Variants in NTN4 observed in about 807,000 individuals in gnomAD.
NTN4 encodes netrin 4.
A neutral mutation model predicts 73.6 loss-of-function variants in NTN4; 32 were observed. That is an observed-to-expected ratio of 0.44 (90% confidence interval 0.33 to 0.58). NTN4 has a LOEUF of 0.58. Among genes scored for constraint, NTN4 ranks in the 20% least tolerant of loss-of-function variants. The pLI, the probability that NTN4 is intolerant of heterozygous loss-of-function variation, is 0.04. For synonymous variants in NTN4, 258 were observed against 287.5 expected, an observed-to-expected ratio of 0.90 and a Z score of 1.04; for missense variants, 654 against 798.3, an observed-to-expected ratio of 0.82 and a Z score of 2.18.
intron 5 of NTN4, among the ~76,000 whole-genome samples, chr12:95,705,988 AT>A (rs1565890736): frequency 1.3e-5 from 2 of 152,358 alleles, no homozygotes; most frequent in South Asian, 4.1e-4. Flanking sequence ...GATTGAAAAA[AT>A]AATAAAAAGT....
At chr12:95,697,743 C>T (rs183105436) in intron 5 of NTN4, among the ~76,000 whole-genome samples, 10 of 151,238 alleles carry the variant, frequency 6.6e-5, no homozygotes, top group South Asian at 2.1e-4. Context: ...AACTGGGTCA[C>T]GGTGTGTAAT....
intron 7 of NTN4, among the ~76,000 whole-genome samples, chr12:95,678,348 G>GT (rs2078289907): frequency 1.8e-5 from 1 of 56,104 alleles, no homozygotes; most frequent in Non-Finnish European, 3.5e-5. Flanking sequence ...AGAACTTAAA[G>GT]TAAAAAAAAA....
At chr12:95,776,216 C>T (rs1218124535) in intron 2 of NTN4, among the ~76,000 whole-genome samples, 1 of 152,180 alleles carries the variant, frequency 6.6e-6, no homozygotes, top group African/African-American at 2.4e-5. Context: ...GGGGAAAAAA[C>T]AGAGGAGAAA....
At chr12:95,754,514 C>G (rs907874804) in intron 2 of NTN4, among the ~76,000 whole-genome samples, 1 of 152,148 alleles carries the variant, frequency 6.6e-6, no homozygotes, top group African/African-American at 2.4e-5. Context: ...TGCACGTATA[C>G]GCCCAGATGG....
intron 2 of NTN4, among the ~76,000 whole-genome samples, chr12:95,767,307 A>T (rs1277966584): frequency 6.6e-6 from 1 of 152,138 alleles, no homozygotes; most frequent in Non-Finnish European, 1.5e-5. Context: ...AATCAGACTA[A>T]CTCCTTAAAG....
chr12:95,726,013 T>A (rs926457454), intron 3 of NTN4, among the ~76,000 whole-genome samples: 4 of 152,264 alleles, frequency 2.6e-5, no homozygotes, highest in Non-Finnish European at 5.9e-5. Context: ...TGAAAAGAAA[T>A]ATATTTATTC....
chr12:95,764,810 A>G (rs1184178041), intron 2 of NTN4, among the ~76,000 whole-genome samples: 1 of 152,212 alleles, frequency 6.6e-6, no homozygotes, highest in Non-Finnish European at 1.5e-5. Flanking sequence ...AGTTTTGATT[A>G]CAGTACTTCA....
Position 95,738,076 on chromosome 12 carries a change from C to T in NTN4, c.654G>A (p.Gln218=). The T allele has an allele frequency of 6.2e-7, 1 of 1,614,128 alleles. No individual in the cohort carries two copies. The highest frequency in any genetic ancestry group is 8.5e-7 in the Non-Finnish European group (1 of 1,179,980). ...ENPYSAKVQE[Q]LKITNLRVQL... is the part of the protein sequence containing the mutation. ...GCACGCGAAGGTTGGTGATCTTCAG[C>T]TGCTCCTGAACTTTGGCACTGTAAG... Residue 218 remains glutamine, a synonymous_variant, in exon 3 of 10, where the codon CAG becomes CAA. Transcript: ENST00000343702.
At chr12:95,733,933 G>T (rs2121162919) in intron 3 of NTN4, among the ~76,000 whole-genome samples, 1 of 152,096 alleles carries the variant, frequency 6.6e-6, no homozygotes, top group East Asian at 1.9e-4. Flanking sequence ...AGCCAGGCAT[G>T]GTGGTGCATG....
chr12:95,701,639 G>C (rs1315066863), intron 5 of NTN4, among the ~76,000 whole-genome samples: 2 of 152,176 alleles, frequency 1.3e-5, no homozygotes, highest in African/African-American at 4.8e-5. Flanking sequence ...CTATTGGCTA[G>C]AAGATTTGGT....
At chr12:95,718,851 C>T (rs975130327) in intron 3 of NTN4, among the ~76,000 whole-genome samples, 1 of 152,036 alleles carries the variant, frequency 6.6e-6, no homozygotes, top group African/African-American at 2.4e-5. Flanking sequence ...TGCATGTTTC[C>T]CATTGCTTGT....
chr12:95,716,326 G>C (rs1461881860), intron 3 of NTN4, among the ~76,000 whole-genome samples: 4 of 152,118 alleles, frequency 2.6e-5, no homozygotes, highest in Non-Finnish European at 5.9e-5. Flanking sequence ...TTTCCTTAGG[G>C]AGCAAAGACA....
At chr12:95,769,940 A>G (rs1441289775) in intron 2 of NTN4, among the ~76,000 whole-genome samples, 1 of 151,900 alleles carries the variant, frequency 6.6e-6, no homozygotes, top group Non-Finnish European at 1.5e-5. Context: ...TCTTTTTTGT[A>G]GAGGCGGGGT....
At chr12:95,682,328 A>T (rs1249213123) in intron 7 of NTN4, among the ~76,000 whole-genome samples, 1 of 151,686 alleles carries the variant, frequency 6.6e-6, no homozygotes, top group East Asian at 1.9e-4. Context: ...TGCTGGGATT[A>T]TACTCACCCC....
intron 2 of NTN4, among the ~76,000 whole-genome samples, chr12:95,740,357 T>C (rs887049116): frequency 1.3e-5 from 2 of 152,184 alleles, no homozygotes; most frequent in East Asian, 1.9e-4. Context: ...GCCCTCAGGA[T>C]AGTATCAGCC....
intron 5 of NTN4, among the ~76,000 whole-genome samples, chr12:95,695,076 G>A (rs980557526): frequency 4.6e-5 from 7 of 151,840 alleles, no homozygotes; most frequent in South Asian, 2.1e-4. Context: ...TGCAGTGAGC[G>A]GAGATCACGC....
At chr12:95,762,856 C>G (rs1344079943) in intron 2 of NTN4, among the ~76,000 whole-genome samples, 1 of 152,148 alleles carries the variant, frequency 6.6e-6, no homozygotes, top group Admixed American at 6.5e-5. Context: ...AATTGGCAAA[C>G]AAACTAACTC....
intron 9 of NTN4, among the ~76,000 whole-genome samples, chr12:95,660,493 G>T (rs921144877): frequency 6.6e-6 from 1 of 151,762 alleles, no homozygotes; most frequent in Non-Finnish European, 1.5e-5. Flanking sequence ...CCTAGATCTT[G>T]TGATGACCTT....
At chr12:95,698,050 G>A (rs2078455319) in intron 5 of NTN4, among the ~76,000 whole-genome samples, 1 of 152,168 alleles carries the variant, frequency 6.6e-6, no homozygotes, top group Non-Finnish European at 1.5e-5. Context: ...ATGATTTACA[G>A]TATACAGGGG....
Sources: gnomAD v4.1 joint callset for allele counts (sites outside exome capture counted in the v4.1 genomes callset) on GRCh38, gnomAD v4.1.1 for gene constraint, MANE v1.5 for transcripts, NCBI Gene and HGNC (gene_info 2026-07-23, HGNC 2026-07-21) for gene names.